ANXA10: variants seen among roughly 807,000 people sequenced by gnomAD.
ANXA10 encodes the protein annexin A10.
Under a neutral mutation model 53.5 loss-of-function variants are expected in ANXA10, and 49 were observed. The ratio of observed to expected loss-of-function variants is 0.92; its 90% CI spans 0.73 to 1.16. The LOEUF (loss-of-function observed/expected upper bound fraction) is 1.16, where lower values mean the gene tolerates loss of function less well. Ranked by LOEUF, ANXA10 falls within the 50% of genes most tolerant of loss-of-function variation. The pLI, the probability that ANXA10 is intolerant of heterozygous loss-of-function variation, is 0.00. For missense variants in ANXA10, 393 were observed against 394.4 expected, an observed-to-expected ratio of 1.00 and a Z score of 0.03; for synonymous variants, 131 against 128.9, an observed-to-expected ratio of 1.02 and a Z score of -0.11.
intron 1 of ANXA10, among the ~76,000 whole-genome samples, chr4:168,105,854 T>G (rs1730711450): frequency 1.3e-5 from 2 of 152,206 alleles, no homozygotes; most frequent in African/African-American, 4.8e-5. Context: ...TCATTTGCAT[T>G]TGTCTAATAA....
chr4:168,170,711 T>G (rs749103288), intron 6 of ANXA10, among the ~76,000 whole-genome samples: 1 of 152,176 alleles, frequency 6.6e-6, no homozygotes. Context: ...GGCTTACATT[T>G]TATAAGAAGC....
rs369967009 is a variant in ANXA10 at position 168,136,236 on chromosome 4, C to G, written c.101-3250C>G. Among the ~76,000 whole-genome samples the G allele has an allele frequency of 5.3e-5, 8 of 152,280 alleles. 1 individual carries two copies. In the East Asian group the frequency reaches 7.7e-4, roughly 15 times the overall value. On this transcript the variant is annotated intron_variant, in intron 2 of 11. Coordinates refer to ENST00000359299, the MANE Select transcript of ANXA10 (RefSeq NM_007193.5). ...AAATCCAAACCATATGATTCTGCCCCTGTCCCCCCACAAATCTCATGTTCT... is the reference window on the plus strand; with the variant it reads ...AAATCCAAACCATATGATTCTGCCCGTGTCCCCCCACAAATCTCATGTTCT...
chr4:168,181,990 G>C (rs375891342), intron 10 of ANXA10, among the ~76,000 whole-genome samples: 18 of 152,284 alleles, frequency 1.2e-4, no homozygotes, highest in African/African-American at 4.3e-4. Context: ...GCACTTTAGA[G>C]ATTATTTAAT....
chr4:168,148,966 T>G (rs1400631931), intron 3 of ANXA10, among the ~76,000 whole-genome samples: 2 of 152,174 alleles, frequency 1.3e-5, no homozygotes, highest in South Asian at 4.1e-4. Context: ...TCAGTTTTGT[T>G]TTTTGTTTTT....
intron 1 of ANXA10, among the ~76,000 whole-genome samples, chr4:168,112,724 C>T (rs989746796): frequency 2.2e-4 from 33 of 152,048 alleles, no homozygotes; most frequent in African/African-American, 8.0e-4. Flanking sequence ...GACCTAGCAA[C>T]AGAAATGAAT....
At chr4:168,092,815 T>C (rs1394007433) in intron 1 of ANXA10, 97 bp downstream of exon 1, 4 of 1,152,928 alleles carry the variant, frequency 3.5e-6, no homozygotes, top group Non-Finnish European at 4.8e-6. Context: ...ACAGAAAATG[T>C]TGTTCTAATT....
At chr4:168,130,858 C>T (rs1259840833) in intron 2 of ANXA10, among the ~76,000 whole-genome samples, 1 of 151,366 alleles carries the variant, frequency 6.6e-6, no homozygotes, top group African/African-American at 2.4e-5. Flanking sequence ...CTGTCTCTGT[C>T]TCTCTCTCCC....
intron 1 of ANXA10, among the ~76,000 whole-genome samples, chr4:168,105,545 C>A (rs1293747892): frequency 6.6e-6 from 1 of 151,986 alleles, no homozygotes; most frequent in Non-Finnish European, 1.5e-5. Flanking sequence ...GATTCCATGT[C>A]TTTGCTATTG....
In ANXA10 at chr4:168,153,937, CT is replaced by C. The variant is rs756688408; in HGVS notation, c.196-8581del. Among the ~76,000 whole-genome samples, 641 of 148,078 alleles carry C rather than the reference CT, an allele frequency of 4.3e-3. 2 individuals carry two copies. Among genetic ancestry groups the C allele is most frequent in the African/African-American group, 9.3e-3 (377 of 40,402 alleles). On this transcript the variant is annotated intron_variant, in intron 3 of 11. Transcript: ENST00000359299. ...TTATTTTCCTGAAATTATATTATTT[CT>C]TTTTTTTTTACAAAATTAGTTCACT...
At chr4:168,121,212 CA>C in intron 1 of ANXA10, among the ~76,000 whole-genome samples, 1 of 151,654 alleles carries the variant, frequency 6.6e-6, no homozygotes, top group African/African-American at 2.4e-5. Flanking sequence ...TTATACTCAC[CA>C]AAAAACACAC....
intron 1 of ANXA10, among the ~76,000 whole-genome samples, chr4:168,095,538 A>G (rs561089232): frequency 7.9e-5 from 12 of 152,184 alleles, no homozygotes; most frequent in African/African-American, 2.2e-4. Context: ...TTTACTGTCT[A>G]TATACATCAT....
intron 4 of ANXA10, among the ~76,000 whole-genome samples, chr4:168,163,179 A>C (rs1007228476): frequency 6.6e-6 from 1 of 152,088 alleles, no homozygotes; most frequent in Non-Finnish European, 1.5e-5. Context: ...AATTAGAATC[A>C]GTGTTTCTTA....
chr4:168,148,411 C>T lies in ANXA10; in HGVS notation c.195+8831C>T, dbSNP rs530248305. On this transcript the variant is annotated intron_variant, in intron 3 of 11. Transcript: ENST00000359299. ...TGAATTCCTGACCTTGTGATCCACC[C>T]GCCTTGGCCTCCCAAAGTGCTGGGA... Among the ~76,000 whole-genome samples, 11 of 152,254 alleles carry T rather than the reference C, an allele frequency of 7.2e-5. No homozygotes were observed. The East Asian group carries it at 7.7e-4, about 11-fold the overall frequency.
chr4:168,153,016 G>C (rs978583627), intron 3 of ANXA10, among the ~76,000 whole-genome samples: 42 of 151,930 alleles, frequency 2.8e-4, no homozygotes, highest in Non-Finnish European at 2.2e-4. Flanking sequence ...CGAGTTTTTG[G>C]CATTTTTTGT....
At chr4:168,142,134 C>T (rs1247935325) in intron 3 of ANXA10, among the ~76,000 whole-genome samples, 5 of 152,210 alleles carry the variant, frequency 3.3e-5, no homozygotes, top group African/African-American at 1.2e-4. Context: ...AATATGTAAG[C>T]GGTGGGTGGT....
chr4:168,187,328 G>T, intron 11 of ANXA10, 38 bp from the exon 12 acceptor site: 1 of 1,337,302 alleles, frequency 7.5e-7, no homozygotes, highest in Non-Finnish European at 1.0e-6. Flanking sequence ...GAACTATTAT[G>T]ATATTTTATT....
intron 1 of ANXA10, among the ~76,000 whole-genome samples, chr4:168,104,032 G>C (rs958030726): frequency 1.1e-4 from 17 of 151,812 alleles, no homozygotes; most frequent in Non-Finnish European, 2.5e-4. Flanking sequence ...TTTAGATGTA[G>C]GGTTTTTGTA....
intron 6 of ANXA10, among the ~76,000 whole-genome samples, chr4:168,173,900 C>T (rs1014224579): frequency 6.6e-6 from 1 of 152,014 alleles, no homozygotes; most frequent in Non-Finnish European, 1.5e-5. Context: ...TTTTTGCGTC[C>T]TAACAAACCA....
chr4:168,139,897 G>A (rs7356227), intron 3 of ANXA10, among the ~76,000 whole-genome samples: 49 of 152,138 alleles, frequency 3.2e-4, no homozygotes, highest in African/African-American at 1.2e-3. Flanking sequence ...GGCTTAAAGT[G>A]TTGTGCTGGA....
Sources: gnomAD v4.1 joint callset for allele counts (sites outside exome capture counted in the v4.1 genomes callset) on GRCh38, gnomAD v4.1.1 for gene constraint, MANE v1.5 for transcripts, NCBI Gene and HGNC (gene_info 2026-07-23, HGNC 2026-07-21) for gene names.